Variants in THRB observed in about 807,000 individuals in gnomAD.
THRB encodes nuclear receptor subfamily 1 group A member 2.
THRB carries 12 observed loss-of-function variants against 47.8 expected under a neutral mutation model. The ratio of observed to expected loss-of-function variants is 0.25; its 90% CI spans 0.16 to 0.41. The LOEUF (loss-of-function observed/expected upper bound fraction) is 0.41. THRB is among the 10% of genes least tolerant of loss of function. The pLI is 1.00. For synonymous variants in THRB, 218 were observed against 212.2 expected (o/e 1.03, Z -0.24); for missense variants, 348 against 589.2 (o/e 0.59, Z 4.24).
intron 4 of THRB, among the ~76,000 whole-genome samples, chr3:24,197,571 A>C (rs373162335): frequency 6.6e-6 from 1 of 152,204 alleles, no homozygotes; most frequent in African/African-American, 2.4e-5. Flanking sequence ...CTTAATCTCC[A>C]CAGGTCTAAG....
chr3:24,466,343 TG>T (rs1169996045), intron 1 of THRB, among the ~76,000 whole-genome samples: 6 of 152,178 alleles, frequency 3.9e-5, no homozygotes, highest in Admixed American at 3.3e-4. Context: ...TAGATTGATA[TG>T]GTTGGGCAGA....
chr3:24,396,237 C>T lies in THRB; in HGVS notation c.-260-58866G>A, dbSNP rs190002617. The stretch of plus-strand genomic sequence containing the variant: ...CACTATAGACCTTAGTTCTCAGCTA[C>T]GGCTGCCCCTTAAAATCATCTGGGG... On this transcript the variant is annotated intron_variant, in intron 1 of 10. Coordinates refer to ENST00000646209, the MANE Select transcript of THRB (RefSeq NM_001354712.2). Among the ~76,000 whole-genome samples the T allele has an allele frequency of 4.5e-4, 69 of 152,146 alleles. No individual in the cohort carries two copies. In the South Asian group the frequency reaches 6.0e-3, roughly 13 times the overall value.
At chr3:24,422,953 C>G (rs561054491) in intron 1 of THRB, among the ~76,000 whole-genome samples, 1 of 151,900 alleles carries the variant, frequency 6.6e-6, no homozygotes, top group African/African-American at 2.4e-5. Context: ...ACTTCTTATC[C>G]CCAGGCTTGA....
In THRB at chr3:24,123,108, A is replaced by G; in HGVS notation, c.1162T>C (p.Cys388Arg). The G allele has an allele frequency of 6.2e-7, 1 of 1,614,208 alleles. No homozygotes were observed. Among genetic ancestry groups the G allele is most frequent in the African/African-American group, 1.3e-5 (1 of 75,042 alleles). ...LMSSDRPGLA[C>R]VERIEKYQDS... is the part of the protein sequence containing the mutation. ...TGGTACTTTTCTATTCTCTCAACAC[A>G]GGCAAGCCCCGGGCGATCTGCGGGG... Residue 388 changes from cysteine to arginine, a missense_variant, in exon 11 of 11, where the codon TGT becomes CGT. Coordinates refer to ENST00000646209, the MANE Select transcript of THRB (RefSeq NM_001354712.2).
At chr3:24,417,115 CACACACACACACACACACACA>C (rs2068807414) in intron 1 of THRB, among the ~76,000 whole-genome samples, 1 of 151,182 alleles carries the variant, frequency 6.6e-6, no homozygotes, top group African/African-American at 2.4e-5. Flanking sequence ...CACACACACA[CACACACACACACACACACACA>C]CACGCGCAAC....
chr3:24,442,562 C>T (rs1043548979), intron 1 of THRB, among the ~76,000 whole-genome samples: 9 of 152,334 alleles, frequency 5.9e-5, no homozygotes, highest in East Asian at 1.9e-4. Context: ...CAGTGGCTCA[C>T]GCCTGTAATC....
At chr3:24,448,835 A>G (rs1392088585) in intron 1 of THRB, among the ~76,000 whole-genome samples, 1 of 152,214 alleles carries the variant, frequency 6.6e-6, no homozygotes, top group East Asian at 1.9e-4. Flanking sequence ...CTGGCTTTGG[A>G]GAGTAAGAAC....
At chr3:24,351,852 C>T (rs1333735175) in intron 1 of THRB, among the ~76,000 whole-genome samples, 1 of 152,192 alleles carries the variant, frequency 6.6e-6, no homozygotes, top group Non-Finnish European at 1.5e-5. Flanking sequence ...GTGCCTGGAG[C>T]TCACCTCTAA....
intron 9 of THRB, among the ~76,000 whole-genome samples, chr3:24,132,735 G>T (rs536671712): frequency 6.6e-6 from 1 of 152,326 alleles, no homozygotes; most frequent in Admixed American, 6.5e-5. Flanking sequence ...TGAGCTTATA[G>T]GAAAAGACGA....
At chr3:24,384,795 A>G (rs78984076) in intron 1 of THRB, among the ~76,000 whole-genome samples, 7,089 of 152,214 alleles carry the variant, frequency 0.047, 209 homozygotes, top group African/African-American at 0.068. Context: ...CTTAAAATCC[A>G]TGCACCCCTG....
In THRB at chr3:24,337,893, G is replaced by T. The variant is rs529765462; in HGVS notation, c.-260-522C>A. ...GGTATGAATGTAAGCATGAAGCCAT[G>T]GAGCTGTCTAGATTGTGCTAAATGC... On this transcript the variant is annotated intron_variant, in intron 1 of 10. Transcript: ENST00000646209. 1.5e-4 allele frequency among the ~76,000 whole-genome samples: 23 copies of T among 152,306 alleles called. No individual in the cohort carries two copies. The East Asian group carries it at 4.4e-3, about 29-fold the overall frequency.
At chr3:24,294,329 C>A (rs2056251943) in intron 3 of THRB, among the ~76,000 whole-genome samples, 2 of 152,056 alleles carry the variant, frequency 1.3e-5, no homozygotes, top group East Asian at 1.9e-4. Context: ...TGAGCCCAGC[C>A]CAGACTGAAG....
intron 6 of THRB, among the ~76,000 whole-genome samples, chr3:24,149,842 A>G (rs1263750881): frequency 6.6e-6 from 1 of 152,216 alleles, no homozygotes; most frequent in Non-Finnish European, 1.5e-5. Flanking sequence ...ATCCTTTTAG[A>G]GATGAGCTGA....
At chr3:24,218,962 A>C (rs541923261) in intron 4 of THRB, among the ~76,000 whole-genome samples, 1 of 152,232 alleles carries the variant, frequency 6.6e-6, no homozygotes, top group East Asian at 1.9e-4. Flanking sequence ...AATACATTAA[A>C]GCAGCATAGA....
intron 2 of THRB, among the ~76,000 whole-genome samples, chr3:24,331,031 A>G (rs1481280160): frequency 6.6e-6 from 1 of 152,160 alleles, no homozygotes; most frequent in Non-Finnish European, 1.5e-5. Flanking sequence ...GAGTTCCAAA[A>G]GAGCTATGAT....
At chr3:24,480,737 A>C (rs1448897190) in intron 1 of THRB, among the ~76,000 whole-genome samples, 1 of 152,228 alleles carries the variant, frequency 6.6e-6, no homozygotes, top group Non-Finnish European at 1.5e-5. Flanking sequence ...CCAGACAATG[A>C]AGAGAAATGA....
chr3:24,250,960 A>C (rs1489109131), intron 3 of THRB, among the ~76,000 whole-genome samples: 1 of 152,150 alleles, frequency 6.6e-6, no homozygotes, highest in Non-Finnish European at 1.5e-5. Context: ...CCAAGAGTAG[A>C]AATAGGTAGA....
intron 2 of THRB, among the ~76,000 whole-genome samples, chr3:24,327,260 C>G (rs1015347973): frequency 2.6e-5 from 4 of 151,918 alleles, no homozygotes; most frequent in East Asian, 3.9e-4. Flanking sequence ...CTCAGGGACC[C>G]CCCCCACCGC....
At chr3:24,493,094 G>A (rs1698423514) in intron 1 of THRB, among the ~76,000 whole-genome samples, 2 of 152,122 alleles carry the variant, frequency 1.3e-5, no homozygotes, top group Admixed American at 1.3e-4. Flanking sequence ...ACTTGGTACT[G>A]GATTTCTGTT....
Sources: gnomAD v4.1 joint callset for allele counts (sites outside exome capture counted in the v4.1 genomes callset) on GRCh38, gnomAD v4.1.1 for gene constraint, MANE v1.5 for transcripts, NCBI Gene and HGNC (gene_info 2026-07-23, HGNC 2026-07-21) for gene names.